ZXDC: variants seen among roughly 807,000 people sequenced by gnomAD.
ZXDC encodes zinc finger protein ZXDC.
ZXDC carries 58 observed loss-of-function variants against 63.6 expected under a neutral mutation model. The observed-to-expected ratio is 0.91, with a 90% confidence interval of 0.74 to 1.13. ZXDC has a LOEUF of 1.13. Among genes scored for constraint, ZXDC ranks in the 50% most tolerant of loss-of-function variants. The pLI is 0.00. For synonymous variants in ZXDC, 561 were observed against 496.1 expected (o/e 1.13, Z -1.74); for missense variants, 1,133 against 1,148.9 (o/e 0.99, Z 0.20).
chr3:126,443,920 AGAG>A (rs1189134692), intron 7 of ZXDC, among the ~76,000 whole-genome samples: 2 of 152,252 alleles, frequency 1.3e-5, no homozygotes, highest in African/African-American at 4.8e-5. Flanking sequence ...ATGCTTTTCA[AGAG>A]GAGTGGGACT....
intron 5 of ZXDC, among the ~76,000 whole-genome samples, chr3:126,463,099 C>T (rs1291710884): frequency 2.0e-5 from 3 of 151,718 alleles, no homozygotes; most frequent in African/African-American, 4.8e-5. Context: ...GAGGGAGTCT[C>T]GCTCTGTCGC....
chr3:126,452,174 A>C, intron 7 of ZXDC: 2 of 985,380 alleles, frequency 2.0e-6, no homozygotes, highest in Non-Finnish European at 2.4e-6. Context: ...CAGCCCCAGC[A>C]CCAGAACATG....
intron 4 of ZXDC, among the ~76,000 whole-genome samples, chr3:126,470,666 C>G (rs1934947477): frequency 6.6e-6 from 1 of 152,160 alleles, no homozygotes; most frequent in South Asian, 2.1e-4. Flanking sequence ...TTAACTAGAG[C>G]CACAGATCTA....
intron 7 of ZXDC, chr3:126,458,929 T>A: frequency 7.1e-6 from 7 of 982,676 alleles, no homozygotes; most frequent in Non-Finnish European, 8.5e-6. Context: ...TTGTTATTTA[T>A]TTTAAATAAG....
intron 8 of ZXDC, chr3:126,441,363 T>C (rs1274336215): frequency 4.9e-6 from 5 of 1,024,856 alleles, no homozygotes; most frequent in Non-Finnish European, 5.8e-6. Flanking sequence ...ATGGGGTGGC[T>C]GAGACGGCCT....
At chr3:126,458,796 C>T in intron 7 of ZXDC, 1 of 985,452 alleles carries the variant, frequency 1.0e-6, no homozygotes, top group Non-Finnish European at 1.2e-6. Flanking sequence ...ATTATCTCTG[C>T]AAGTTCCATT....
In ZXDC at chr3:126,461,984, G is replaced by C; in HGVS notation, c.1678C>G (p.Leu560Val). 6.2e-7 allele frequency: 1 copy of C among 1,614,150 alleles called. No homozygotes were observed. Among genetic ancestry groups the C allele is most frequent in the Non-Finnish European group, 8.5e-7 (1 of 1,180,038 alleles). The part of the protein sequence containing the change: ...GGNLPANNSS[L>V]GPMEPLVLVA... Reference sequence around the variant, plus strand: ...AGGACCAGGGGTTCCATCGGCCCTAGGGAGCTATTATTAGCAGGGAGGTTC... The same window carrying C: ...AGGACCAGGGGTTCCATCGGCCCTACGGAGCTATTATTAGCAGGGAGGTTC... The change falls in exon 6 of 10, where the codon CTA becomes GTA. Residue 560 changes from leucine to valine, a missense_variant. By Grantham distance (32) the Leu-to-Val change is conservative. Transcript: ENST00000389709.
At chr3:126,462,603 C>A (rs553897491) in intron 5 of ZXDC, among the ~76,000 whole-genome samples, 105 of 152,152 alleles carry the variant, frequency 6.9e-4, no homozygotes, top group Admixed American at 1.4e-3. Flanking sequence ...AAAGCCTGCA[C>A]CCTCTCCCCT....
chr3:126,475,274 T>C lies in ZXDC; in HGVS notation c.592A>G (p.Thr198Ala). Residue 198 changes from threonine (T) to alanine (A), a missense_variant, in exon 1 of 10, where the codon ACG becomes GCG. Thr to Ala is a moderately conservative substitution (Grantham distance 58, BLOSUM62 0). Transcript: ENST00000389709. Reference sequence around the variant, plus strand: ...CGCCGGCCCTGACCGCCGCCGTGCGTGAGCAGGTGCACCTTGAGCTGGTGC... The same window carrying C: ...CGCCGGCCCTGACCGCCGCCGTGCGCGAGCAGGTGCACCTTGAGCTGGTGC... ...KKHQLKVHLLTHGGGQGRRPF... is the reference protein window; with the variant it reads ...KKHQLKVHLLAHGGGQGRRPF... The C allele has an allele frequency of 6.4e-7, 1 of 1,552,632 alleles. No individual in the cohort carries two copies. Among genetic ancestry groups the C allele is most frequent in the Non-Finnish European group, 8.7e-7 (1 of 1,148,238 alleles).
chr3:126,445,001 C>T (rs1933827245), intron 7 of ZXDC, among the ~76,000 whole-genome samples: 2 of 152,146 alleles, frequency 1.3e-5, no homozygotes, highest in South Asian at 4.1e-4. Context: ...TATCTCATGA[C>T]AAGCTAAATT....
At chr3:126,460,384 C>T (rs1297675400) in intron 6 of ZXDC, 1 of 772,904 alleles carries the variant, frequency 1.3e-6, no homozygotes, top group Non-Finnish European at 1.6e-6. Context: ...ACCTGGGACC[C>T]ATTCACCACA....
chr3:126,458,971 G>A, intron 7 of ZXDC: 1 of 979,966 alleles, frequency 1.0e-6, no homozygotes, highest in Non-Finnish European at 1.2e-6. Context: ...TAGAGAGCAA[G>A]ATATAAAATC....
rs951404971 is a variant in ZXDC, at chr3:126,451,897, G to A, written c.2212+7756C>T. 2.9e-5 allele frequency: 29 copies of A among 985,232 alleles called. No individual in the cohort carries two copies. The African/African-American group carries it at 5.1e-4, about 17-fold the overall frequency. 61.0% of individuals were successfully genotyped at this position (985,232 alleles called of 1,614,324 possible). A position where few individuals can be genotyped will look rare whatever the true frequency, so the allele number is the denominator to read the frequency against. ...GGTCTCCACCTCATAGGGTTTTTGT[G>A]AGGCGTGAACAGAGTTACTGCATGT... On this transcript the variant is annotated intron_variant, in intron 7 of 9. Coordinates refer to ENST00000389709, the MANE Select transcript of ZXDC (RefSeq NM_025112.5).
At chr3:126,470,804 C>T in intron 4 of ZXDC, 91 bp downstream of exon 4, 6 of 1,550,618 alleles carry the variant, frequency 3.9e-6, no homozygotes, top group Non-Finnish European at 8.8e-7. Flanking sequence ...CTTTAAGCAG[C>T]TAACATTTAC....
At chr3:126,474,365 C>G (rs975977620) in intron 1 of ZXDC, among the ~76,000 whole-genome samples, 1 of 152,172 alleles carries the variant, frequency 6.6e-6, no homozygotes, top group Non-Finnish European at 1.5e-5. Context: ...CGCCCAGCCA[C>G]CAGCAGTGGA....
At chr3:126,448,250 G>GC (rs1393029385) in intron 7 of ZXDC, among the ~76,000 whole-genome samples, 1 of 152,180 alleles carries the variant, frequency 6.6e-6, no homozygotes, top group Non-Finnish European at 1.5e-5. Context: ...TGAGGTCTGC[G>GC]CAAGTTTCAT....
At chr3:126,458,915 G>A in intron 7 of ZXDC, 1 of 984,638 alleles carries the variant, frequency 1.0e-6, no homozygotes, top group Non-Finnish European at 1.2e-6. Context: ...CAGAAAACCG[G>A]CAATTGTTAT....
intron 7 of ZXDC, chr3:126,450,324 A>G (rs1471853320): frequency 4.4e-6 from 2 of 456,566 alleles, no homozygotes; most frequent in African/African-American, 4.0e-5. Context: ...AGAAAACACA[A>G]GAGCAGACAG....
At position 126,438,274 on chromosome 3, in the gene ZXDC, T is replaced by C; in HGVS notation, c.*101A>G. On this transcript the variant is annotated 3_prime_UTR_variant, in exon 10 of 10. Coordinates refer to ENST00000389709, the MANE Select transcript of ZXDC (RefSeq NM_025112.5). The stretch of plus-strand genomic sequence containing the variant: ...TCTCAAAAGGGCTACGCTGGTCTTC[T>C]GAACGGAAACCAAATGAGGTCTCCC... 1 of 997,656 alleles carries C rather than the reference T, an allele frequency of 1.0e-6. No individual in the cohort carries two copies. Among genetic ancestry groups the C allele is most frequent in the Non-Finnish European group, 1.5e-6 (1 of 645,264 alleles). The allele number at this position is 997,656 out of a possible 1,614,324, so 61.8% of individuals were successfully genotyped here. A position where few individuals can be genotyped will look rare whatever the true frequency, so the allele number is the denominator to read the frequency against.
Sources: gnomAD v4.1 joint callset for allele counts (sites outside exome capture counted in the v4.1 genomes callset) on GRCh38, gnomAD v4.1.1 for gene constraint, MANE v1.5 for transcripts, NCBI Gene and HGNC (gene_info 2026-07-23, HGNC 2026-07-21) for gene names.